The following NEK1 variants were observed in gnomAD, a reference collection of about 807,000 sequenced individuals.
NEK1 encodes the protein NIMA related kinase 1.
In NEK1, 137 loss-of-function variants were observed where a neutral mutation model predicts 182.1. The observed-to-expected ratio is 0.75, with a 90% CI of 0.65 to 0.87. The LOEUF (loss-of-function observed/expected upper bound fraction) is 0.87. NEK1 is among the 40% of genes least tolerant of loss of function. NEK1 has a pLI of 0.00. For synonymous variants in NEK1, 513 were observed against 492.2 expected (o/e 1.04, Z -0.56); for missense variants, 1,391 against 1,494.4 (o/e 0.93, Z 1.14).
intron 28 of NEK1, 33 bp from the exon 29 acceptor site, chr4:169,433,698 A>G (rs769428196): frequency 6.2e-7 from 1 of 1,606,436 alleles, no homozygotes; most frequent in East Asian, 2.2e-5. Flanking sequence ...GAGACATCTC[A>G]AAGCAAAATT....
intron 2 of NEK1, among the ~76,000 whole-genome samples, chr4:169,603,314 C>T (rs1311637390): frequency 1.3e-5 from 2 of 152,086 alleles, no homozygotes; most frequent in African/African-American, 4.8e-5. Flanking sequence ...GAGATGTTTA[C>T]TGTAATGTCA....
chr4:169,480,214 T>G (rs533009001), intron 23 of NEK1, among the ~76,000 whole-genome samples: 1 of 152,244 alleles, frequency 6.6e-6, no homozygotes, highest in South Asian at 2.1e-4. Flanking sequence ...CTGGGGAGTA[T>G]ACATTTCAAA....
intron 4 of NEK1, among the ~76,000 whole-genome samples, chr4:169,601,736 T>C (rs1770520850): frequency 6.6e-6 from 1 of 151,926 alleles, no homozygotes; most frequent in African/African-American, 2.4e-5. Context: ...GTTGGGAGGC[T>C]GAGGCATAAG....
chr4:169,475,444 A>G (rs557265887), intron 26 of NEK1, among the ~76,000 whole-genome samples: 1 of 151,616 alleles, frequency 6.6e-6, no homozygotes, highest in South Asian at 2.1e-4. Context: ...TAAGACATGA[A>G]TGAATCAAAC....
chr4:169,446,808 A>G (rs965966358), intron 27 of NEK1, among the ~76,000 whole-genome samples: 1 of 152,202 alleles, frequency 6.6e-6, no homozygotes, highest in South Asian at 2.1e-4. Context: ...GAACACATCA[A>G]AAGAAGAAAG....
chr4:169,426,048 A>G, intron 30 of NEK1, 98 bp downstream of exon 30: 1 of 839,432 alleles, frequency 1.2e-6, no homozygotes, highest in Non-Finnish European at 1.9e-6. Context: ...CTGATAAGGA[A>G]TGCTTTCTTA....
intron 12 of NEK1, among the ~76,000 whole-genome samples, chr4:169,565,249 AG>A (rs953507548): frequency 1.3e-5 from 2 of 152,214 alleles, no homozygotes; most frequent in African/African-American, 4.8e-5. Flanking sequence ...ATCTGGACTC[AG>A]GAAGATACAT....
chr4:169,394,042 G>T lies in NEK1; in HGVS notation c.*468C>A, dbSNP rs1487023514. ...AGATGTAAACAGAGCCCTTGACAAG[G>T]TGATTTAATGTAGAACTGCTGGCCA... On this transcript the variant is annotated 3_prime_UTR_variant, in exon 36 of 36. Transcript: ENST00000507142. The T allele has an allele frequency of 6.5e-6, 1 of 153,248 alleles. No individual in the cohort carries two copies. The highest frequency in any genetic ancestry group is 1.5e-5 in the Non-Finnish European group (1 of 68,848). 9.5% of individuals were successfully genotyped at this position (153,248 alleles called of 1,614,324 possible).
intron 19 of NEK1, among the ~76,000 whole-genome samples, chr4:169,512,373 G>T (rs924553773): frequency 6.6e-6 from 1 of 151,942 alleles, no homozygotes; most frequent in African/African-American, 2.4e-5. Flanking sequence ...AATGATTTGG[G>T]TATCTCTTCA....
Position 169,612,497 on chromosome 4 carries a change from A to G in NEK1, c.-448T>C, listed in dbSNP as rs1772481688. The G allele has an allele frequency of 6.6e-6, 1 of 152,268 alleles. No homozygotes were observed. The highest frequency in any genetic ancestry group is 2.4e-5 in the African/African-American group (1 of 41,340). The allele number at this position is 152,268 out of a possible 1,614,324, so 9.4% of individuals were successfully genotyped here. A position where few individuals can be genotyped will look rare whatever the true frequency, so the allele number is the denominator to read the frequency against. On this transcript the variant is annotated 5_prime_UTR_variant, in exon 1 of 36. Coordinates refer to ENST00000507142, the MANE Select transcript of NEK1 (RefSeq NM_001199397.3). ...TCCTGCCTCGCAACAGCGGCTCTAGATTCCGAGTTATGGGGACAACTGCTC... is the reference window on the plus strand; with the variant it reads ...TCCTGCCTCGCAACAGCGGCTCTAGGTTCCGAGTTATGGGGACAACTGCTC...
chr4:169,486,053 A>G (rs1295097097), intron 23 of NEK1, among the ~76,000 whole-genome samples: 1 of 152,168 alleles, frequency 6.6e-6, no homozygotes, highest in Non-Finnish European at 1.5e-5. Context: ...TTCAAAACAA[A>G]ACAAAACAAA....
chr4:169,468,725 G>A (rs1261564858), intron 26 of NEK1, among the ~76,000 whole-genome samples: 4 of 152,054 alleles, frequency 2.6e-5, no homozygotes, highest in Non-Finnish European at 5.9e-5. Flanking sequence ...GGTAGAATTC[G>A]GCTGTGAATC....
chr4:169,477,496 T>C lies in NEK1; in HGVS notation c.2141A>G (p.Asp714Gly). The C allele has an allele frequency of 6.2e-7, 1 of 1,601,326 alleles. No individual in the cohort carries two copies. Among genetic ancestry groups the C allele is most frequent in the Non-Finnish European group, 8.5e-7 (1 of 1,171,750 alleles). ...VTSALKEVGV[D>G]SSLTDTRETS... ...TTCCCGGGTATCAGTTAAACTACTG[T>C]CCTTTAAATGCAGATAGATACAGAG... The change falls in exon 25 of 36, where the codon GAC becomes GGC. Residue 714 changes from aspartate to glycine, a missense_variant and splice_region_variant. Around this residue, in one of 5 missense-constraint regions of NEK1, gnomAD observed 1,216 missense variants for 1,277.6 expected, o/e 0.95. Transcript: ENST00000507142.
Position 169,477,325 on chromosome 4 carries a change from T to C in NEK1, c.2233A>G (p.Asn745Asp). The C allele has an allele frequency of 3.2e-6, 5 of 1,577,518 alleles. No individual in the cohort carries two copies. The highest frequency in any genetic ancestry group is 4.3e-6 in the Non-Finnish European group (5 of 1,159,760). The change falls in exon 26 of 36, where the codon AAT (asparagine) becomes GAT (aspartate). Residue 745 changes from asparagine (N) to aspartate (D), a missense_variant. Coordinates refer to ENST00000507142, the MANE Select transcript of NEK1 (RefSeq NM_001199397.3). ...TCTTCTTGAGCTTTAAGATTTTCAT[T>C]TAATCTACGAAGTATTTCTCGCTTA... Reference protein sequence around the residue: ...SSKREILRRLNENLKAQEDEK... With the variant: ...SSKREILRRLDENLKAQEDEK...
At chr4:169,466,702 AAAGG>A (rs1744991499) in intron 26 of NEK1, among the ~76,000 whole-genome samples, 1 of 152,220 alleles carries the variant, frequency 6.6e-6, no homozygotes, top group African/African-American at 2.4e-5. Context: ...AAAAAATCTT[AAAGG>A]AAGTCCTTCA....
At chr4:169,395,360 T>C (rs1004464408) in intron 35 of NEK1, among the ~76,000 whole-genome samples, 1 of 152,180 alleles carries the variant, frequency 6.6e-6, no homozygotes, top group Non-Finnish European at 1.5e-5. Flanking sequence ...TTACCAAATT[T>C]CATTCCCCAC....
At chr4:169,572,035 G>A (rs770656185) in intron 12 of NEK1, among the ~76,000 whole-genome samples, 3 of 151,796 alleles carry the variant, frequency 2.0e-5, no homozygotes. Flanking sequence ...GGAGCCACCG[G>A]GCCCGGCCGA....
intron 11 of NEK1, among the ~76,000 whole-genome samples, chr4:169,579,766 C>T (rs1039225343): frequency 2.7e-5 from 4 of 147,900 alleles, no homozygotes; most frequent in African/African-American, 1.0e-4. Flanking sequence ...TCCAGCCCGG[C>T]GACAGAGCAA....
rs372950039 is a variant in NEK1 at position 169,611,304 on chromosome 4, C to A, written c.-49+716G>T. 3.9e-5 allele frequency among the ~76,000 whole-genome samples: 6 copies of A among 152,170 alleles called. No homozygotes were observed. The East Asian group carries it at 9.6e-4, about 24-fold the overall frequency. ...GTTTTCCCACAAAATAGGCTCCTTA[C>A]ATTTCACCTAGAACAATGGATATTT... On this transcript the variant is annotated intron_variant, in intron 2 of 35. Transcript: ENST00000507142.
Sources: allele counts gnomAD v4.1 joint callset (sites outside exome capture counted in the v4.1 genomes callset), GRCh38; gene constraint gnomAD v4.1.1; regional missense constraint gnomAD v4.1.1; transcripts MANE v1.5; gene names NCBI Gene and HGNC (gene_info 2026-07-23, HGNC 2026-07-21).